ASB1: variants seen among roughly 807,000 people sequenced by gnomAD.
ASB1 encodes ankyrin repeat and SOCS box protein 1.
ASB1 carries 18 observed loss-of-function variants against 27.7 expected under a neutral mutation model. The ratio of observed to expected loss-of-function variants is 0.65; its 90% confidence interval spans 0.45 to 0.96. The LOEUF is 0.96. ASB1 is among the 50% of genes least tolerant of loss of function. The pLI is 0.00. For synonymous variants in ASB1, 189 were observed against 187.6 expected (o/e 1.01, Z -0.06); for missense variants, 397 against 451.7 (o/e 0.88, Z 1.10).
intron 3 of ASB1, among the ~76,000 whole-genome samples, chr2:238,440,431 A>G (rs1439216725): frequency 1.3e-5 from 2 of 152,046 alleles, no homozygotes; most frequent in African/African-American, 4.8e-5. Context: ...TTTCGCGTTT[A>G]CTATTCTCCT....
rs1225672667 is a variant in ASB1 at position 238,448,154 on chromosome 2, A to G, written c.*1643A>G. ...CTGAAGCCAGGAGGGTCTTCCCAAGATAGGAGAGGAACCGCAGGTGGTGAG... is the reference window on the plus strand; with the variant it reads ...CTGAAGCCAGGAGGGTCTTCCCAAGGTAGGAGAGGAACCGCAGGTGGTGAG... On this transcript the variant is annotated 3_prime_UTR_variant, in exon 5 of 5. Coordinates refer to ENST00000264607, the MANE Select transcript of ASB1 (RefSeq NM_001040445.3). The G allele has an allele frequency of 6.6e-6, 1 of 152,328 alleles. No homozygotes were observed. The highest frequency in any genetic ancestry group is 1.9e-4 in the East Asian group (1 of 5,164). The allele number at this position is 152,328 out of a possible 1,614,324, so 9.4% of individuals were successfully genotyped here.
chr2:238,427,454 C>T (rs1287002018), intron 1 of ASB1: 3 of 243,422 alleles, frequency 1.2e-5, no homozygotes, highest in Non-Finnish European at 2.4e-5. Context: ...CCTTCCAGCT[C>T]TGAGCGCACG....
chr2:238,429,107 G>A lies in ASB1; in HGVS notation c.49+1988G>A, dbSNP rs560212764. Among the ~76,000 whole-genome samples, 11 of 152,236 alleles carry A rather than the reference G, an allele frequency of 7.2e-5. 1 individual carries two copies. In the South Asian group the frequency reaches 1.9e-3, roughly 26 times the overall value. On this transcript the variant is annotated intron_variant, in intron 1 of 4. Transcript: ENST00000264607. ...GTGGACTGTCAAACCCTGCAGAGCC[G>A]GGACACTTACTCATCACCCCCGTTT...
chr2:238,431,334 C>T (rs1342745043), intron 1 of ASB1, among the ~76,000 whole-genome samples: 3 of 152,232 alleles, frequency 2.0e-5, no homozygotes, highest in Non-Finnish European at 4.4e-5. Context: ...CCTCAGCTCT[C>T]TCAGGCTTCA....
At chr2:238,439,990 A>G (rs1037979025) in intron 3 of ASB1, among the ~76,000 whole-genome samples, 1 of 152,188 alleles carries the variant, frequency 6.6e-6, no homozygotes, top group Middle Eastern at 3.2e-3. Flanking sequence ...CCAATGAGTT[A>G]TAATTCATTA....
chr2:238,450,241 G>A lies in ASB1; in HGVS notation c.*3730G>A, dbSNP rs1702257118. 1 of 152,400 alleles carries A rather than the reference G, an allele frequency of 6.6e-6. No individual in the cohort carries two copies. Among genetic ancestry groups the A allele is most frequent in the East Asian group, 1.9e-4 (1 of 5,188 alleles). The allele number at this position is 152,400 out of a possible 1,614,324, so 9.4% of individuals were successfully genotyped here. Reference sequence around the variant, plus strand: ...TTGTGGCCCACAGCATAGCACTGGGGACAGAGCGCTCTATGCAGGTGAGGC... The same window carrying A: ...TTGTGGCCCACAGCATAGCACTGGGAACAGAGCGCTCTATGCAGGTGAGGC... On this transcript the variant is annotated 3_prime_UTR_variant, in exon 5 of 5. Transcript: ENST00000264607.
In ASB1 at chr2:238,450,977, T is replaced by C. The variant is rs991945319; in HGVS notation, c.*4466T>C. On this transcript the variant is annotated 3_prime_UTR_variant, in exon 5 of 5. Transcript: ENST00000264607. Reference sequence around the variant, plus strand: ...GCCATGTGACCTCCTTTCTCACTTATGCCTCACTCCCCTCCTCCCGCTCCA... The same window carrying C: ...GCCATGTGACCTCCTTTCTCACTTACGCCTCACTCCCCTCCTCCCGCTCCA... 7.2e-6 allele frequency: 1 copy of C among 139,662 alleles called. No homozygotes were observed. Among genetic ancestry groups the C allele is most frequent in the Non-Finnish European group, 1.6e-5 (1 of 60,616 alleles). 8.7% of individuals were successfully genotyped at this position (139,662 alleles called of 1,614,324 possible). A position where few individuals can be genotyped will look rare whatever the true frequency, so the allele number is the denominator to read the frequency against.
intron 1 of ASB1, among the ~76,000 whole-genome samples, chr2:238,429,955 A>G (rs479384): frequency 0.79 from 118,133 of 148,944 alleles, 47,170 homozygotes; most frequent in African/African-American, 0.87. Flanking sequence ...AAAAAAAACC[A>G]AGTACAATAA....
At position 238,427,052 on chromosome 2, in the gene ASB1, CGCGGAGGCGGAAGCATCCATG is replaced by C; in HGVS notation, c.-11_10del. ...GGGGCGTGCGCGGGTCAGGGGCGGC[CGCGGAGGCGGAAGCATCCATG>C]GCGGAGGGCGGCAGCCCAGACGGGC... On this transcript the variant is annotated start_lost and 5_prime_UTR_variant, in exon 1 of 5. Coordinates refer to ENST00000264607, the MANE Select transcript of ASB1 (RefSeq NM_001040445.3). The C allele has an allele frequency of 7.9e-7, 1 of 1,259,784 alleles. No homozygotes were observed. Among genetic ancestry groups the C allele is most frequent in the Non-Finnish European group, 1.0e-6 (1 of 1,003,288 alleles). 78.0% of individuals were successfully genotyped at this position (1,259,784 alleles called of 1,614,324 possible). A position where few individuals can be genotyped will look rare whatever the true frequency, so the allele number is the denominator to read the frequency against.
rs1488242233 is a variant in ASB1 at position 238,433,825 on chromosome 2, G to A, written c.191+130G>A. The A allele has an allele frequency of 2.3e-5, 26 of 1,108,152 alleles. No individual in the cohort carries two copies. The South Asian group carries it at 2.8e-4, about 12-fold the overall frequency. 68.6% of individuals were successfully genotyped at this position (1,108,152 alleles called of 1,614,324 possible). A position where few individuals can be genotyped will look rare whatever the true frequency, so the allele number is the denominator to read the frequency against. The stretch of plus-strand genomic sequence containing the variant: ...GAATGTGTTCCAGTTTTAGAGGACG[G>A]GGATAAAGGAGACTGAGGCAGCATG... On this transcript the variant is annotated intron_variant, in intron 2 of 4. Transcript: ENST00000264607.
At position 238,446,722 on chromosome 2, in the gene ASB1, G is replaced by A; in HGVS notation, c.*211G>A. 1.8e-6 allele frequency: 1 copy of A among 568,086 alleles called. No homozygotes were observed. The highest frequency in any genetic ancestry group is 3.1e-6 in the Non-Finnish European group (1 of 325,690). 35.2% of individuals were successfully genotyped at this position (568,086 alleles called of 1,614,324 possible). ...AGAGGCTTATACTAAAGTTATTATT[G>A]TTTTTCCCAAGTTCTCTGTTCTGGA... On this transcript the variant is annotated 3_prime_UTR_variant, in exon 5 of 5. Coordinates refer to ENST00000264607, the MANE Select transcript of ASB1 (RefSeq NM_001040445.3).
chr2:238,433,314 CAG>C, intron 1 of ASB1: 1 of 430,474 alleles, frequency 2.3e-6, no homozygotes, highest in Non-Finnish European at 4.2e-6. Flanking sequence ...TTTTTACAGA[CAG>C]GGTATTGCTG....
At chr2:238,444,916 T>C (rs564475368) in intron 4 of ASB1, among the ~76,000 whole-genome samples, 189 bp downstream of exon 4, 1 of 152,102 alleles carries the variant, frequency 6.6e-6, no homozygotes, top group Admixed American at 6.5e-5. Context: ...CAAGAACTGA[T>C]ATCAGGGAAT....
chr2:238,435,809 T>G lies in ASB1; in HGVS notation c.290T>G (p.Leu97Arg). The G allele has an allele frequency of 1.2e-6, 2 of 1,614,204 alleles. No individual in the cohort carries two copies. Among genetic ancestry groups the G allele is most frequent in the South Asian group, 2.2e-5 (2 of 91,078 alleles). Reference protein sequence around the residue: ...TAGHGSCVDFLIRKGAEVDLV... With the variant: ...TAGHGSCVDFRIRKGAEVDLV... The stretch of plus-strand genomic sequence containing the variant: ...GGCCATGGGAGCTGTGTGGACTTCC[T>G]CATCCGGAAGGGGGCCGAGGTGGAT... Residue 97 changes from leucine (L) to arginine (R), a missense_variant, in exon 3 of 5, where the codon CTC (leucine) becomes CGC (arginine). By Grantham distance (102) the Leu-to-Arg change is moderately radical. Coordinates refer to ENST00000264607, the MANE Select transcript of ASB1 (RefSeq NM_001040445.3).
At chr2:238,433,026 G>A (rs997142903) in intron 1 of ASB1, among the ~76,000 whole-genome samples, 2 of 152,140 alleles carry the variant, frequency 1.3e-5, no homozygotes, top group South Asian at 2.1e-4. Context: ...GATTACAGGC[G>A]TGAGCCACCT....
intron 2 of ASB1, 108 bp downstream of exon 2, chr2:238,433,803 T>C (rs1701916806): frequency 1.5e-6 from 2 of 1,332,768 alleles, no homozygotes; most frequent in African/African-American, 1.4e-5. Context: ...TTGGGAGGAA[T>C]GTGTTCCAGT....
rs1045136401 is a variant in ASB1 at position 238,449,184 on chromosome 2, G to A, written c.*2673G>A. On this transcript the variant is annotated 3_prime_UTR_variant, in exon 5 of 5. Coordinates refer to ENST00000264607, the MANE Select transcript of ASB1 (RefSeq NM_001040445.3). ...ATTCCTCCTGGGTTTTAGTGGCATT[G>A]CCTTCCTTCACTAAAGCTCCCTTTT... 1 of 152,216 alleles carries A rather than the reference G, an allele frequency of 6.6e-6. No homozygotes were observed. Among genetic ancestry groups the A allele is most frequent in the African/African-American group, 2.4e-5 (1 of 41,442 alleles). 9.4% of individuals were successfully genotyped at this position (152,216 alleles called of 1,614,324 possible).
Position 238,444,713 on chromosome 2 carries a change from T to G in ASB1, c.866T>G (p.Phe289Cys). 6.2e-7 allele frequency: 1 copy of G among 1,611,070 alleles called. No individual in the cohort carries two copies. ...GTGGACCCTGAGGCCTTGCAGGTCT[T>G]TAAAGAGGCCAGAAGTAAGTGGCTT... ...RKVDPEALQVFKEARSVPRTL... is the reference protein window; with the variant it reads ...RKVDPEALQVCKEARSVPRTL... The change falls in exon 4 of 5, where the codon TTT (phenylalanine) becomes TGT (cysteine). Residue 289 changes from phenylalanine to cysteine, a missense_variant. Transcript: ENST00000264607.
chr2:238,442,199 A>G (rs1299462563), intron 3 of ASB1, among the ~76,000 whole-genome samples: 1 of 151,202 alleles, frequency 6.6e-6, no homozygotes, highest in Non-Finnish European at 1.5e-5. Flanking sequence ...GCTCACTGCA[A>G]CCTCCGCCTC....
Sources: gnomAD v4.1 joint callset for allele counts (sites outside exome capture counted in the v4.1 genomes callset) on GRCh38, gnomAD v4.1.1 for gene constraint, MANE v1.5 for transcripts, NCBI Gene and HGNC (gene_info 2026-07-23, HGNC 2026-07-21) for gene names.